CAMK1D: variants seen among roughly 807,000 people sequenced by gnomAD.
CAMK1D encodes the protein calcium/calmodulin-dependent protein kinase type 1D.
In CAMK1D, 9 loss-of-function variants were observed where a neutral mutation model predicts 47.7. The ratio of observed to expected loss-of-function variants is 0.19; its 90% CI spans 0.11 to 0.33. CAMK1D has a LOEUF of 0.33. Ranked by LOEUF, CAMK1D falls within the 10% of genes least tolerant of loss-of-function variation. The probability of loss-of-function intolerance (pLI) is 1.00; values close to 1 mark genes in which losing one functional copy is unlikely to be tolerated. For synonymous variants in CAMK1D, 184 were observed against 184.9 expected (o/e 0.99, Z 0.04); for missense variants, 291 against 488.7 (o/e 0.60, Z 3.81).
rs765599050 is a variant in CAMK1D at position 12,757,738 on chromosome 10, C to G, written c.300-3210C>G. 6.6e-5 allele frequency among the ~76,000 whole-genome samples: 10 copies of G among 152,140 alleles called. 1 individual carries two copies. The highest frequency in any genetic ancestry group is 5.2e-4 in the Admixed American group (8 of 15,286). On this transcript the variant is annotated intron_variant, in intron 3 of 10. Coordinates refer to ENST00000619168, the MANE Select transcript of CAMK1D (RefSeq NM_153498.4). ...TAGTGTGGGAAGATTATAGTGAGGGCTCCATTCCTGCCTTGGAGGCAGCTG... is the reference window on the plus strand; with the variant it reads ...TAGTGTGGGAAGATTATAGTGAGGGGTCCATTCCTGCCTTGGAGGCAGCTG...
intron 4 of CAMK1D, 108 bp downstream of exon 4, chr10:12,761,194 G>A: frequency 7.6e-7 from 1 of 1,320,934 alleles, no homozygotes; most frequent in Non-Finnish European, 1.0e-6. Context: ...ATGTAGAGTG[G>A]GTGCAGCAGA....
At chr10:12,373,062 A>G (rs1024043995) in intron 1 of CAMK1D, among the ~76,000 whole-genome samples, 1 of 152,186 alleles carries the variant, frequency 6.6e-6, no homozygotes, top group African/African-American at 2.4e-5. Flanking sequence ...GACGTTTGCA[A>G]AGCGCTTGCT....
Position 12,693,994 on chromosome 10 carries a change from TAATATATATAATATATATTA to T in CAMK1D, c.299+27203_299+27222del, listed in dbSNP as rs1239929739. ...ATATAATATATATTATATATACATA[TAATATATATAATATATATTA>T]AATATATATAATATATATAAAATAT... On this transcript the variant is annotated intron_variant, in intron 3 of 10. Transcript: ENST00000619168. Among the ~76,000 whole-genome samples the T allele has an allele frequency of 6.6e-5, 5 of 76,318 alleles. No individual in the cohort carries two copies. The South Asian group carries it at 1.2e-3, about 19-fold the overall frequency. 50.1% of individuals were successfully genotyped at this position (76,318 alleles called of 152,430 possible). A position where few individuals can be genotyped will look rare whatever the true frequency, so the allele number is the denominator to read the frequency against.
intron 1 of CAMK1D, among the ~76,000 whole-genome samples, chr10:12,497,989 A>G (rs1834592445): frequency 6.6e-6 from 1 of 152,246 alleles, no homozygotes; most frequent in Admixed American, 6.5e-5. Flanking sequence ...AGCAGGCAAG[A>G]GAACGTGTGC....
chr10:12,828,532 T>A (rs1833338677), intron 10 of CAMK1D, among the ~76,000 whole-genome samples: 1 of 151,856 alleles, frequency 6.6e-6, no homozygotes, highest in Admixed American at 6.6e-5. Context: ...TCCCAGCTAC[T>A]CGGGAGGCTG....
chr10:12,374,942 CAA>C (rs71384315), intron 1 of CAMK1D, among the ~76,000 whole-genome samples: 38,123 of 93,676 alleles, frequency 0.41, 5,257 homozygotes, highest in Middle Eastern at 0.47. Flanking sequence ...GACTCCGTCT[CAA>C]AAAAAAAAAA....
intron 1 of CAMK1D, among the ~76,000 whole-genome samples, chr10:12,387,415 ATT>A (rs1457978835): frequency 2.8e-3 from 105 of 37,320 alleles, no homozygotes; most frequent in African/African-American, 6.6e-3. Flanking sequence ...TATTATATAT[ATT>A]TTATATATTT....
chr10:12,353,807 A>G (rs1037391389), intron 1 of CAMK1D, among the ~76,000 whole-genome samples: 6 of 152,172 alleles, frequency 3.9e-5, no homozygotes, highest in African/African-American at 1.2e-4. Context: ...TTGGCACACT[A>G]TGAGAACAAA....
intron 1 of CAMK1D, among the ~76,000 whole-genome samples, chr10:12,469,768 A>C (rs1833694519): frequency 6.6e-6 from 1 of 152,210 alleles, no homozygotes; most frequent in African/African-American, 2.4e-5. Context: ...AGTGGAAATG[A>C]CCCTTTCAAA....
At chr10:12,817,422 G>A (rs756004276) in intron 8 of CAMK1D, among the ~76,000 whole-genome samples, 91 of 152,294 alleles carry the variant, frequency 6.0e-4, no homozygotes, top group Non-Finnish European at 2.1e-4. Context: ...CTAATTGAGA[G>A]TTGATGGCAT....
At chr10:12,742,555 C>T (rs1461164519) in intron 3 of CAMK1D, among the ~76,000 whole-genome samples, 2 of 152,168 alleles carry the variant, frequency 1.3e-5, no homozygotes, top group Non-Finnish European at 2.9e-5. Flanking sequence ...TTTTCATCAC[C>T]CTAATGGCAC....
chr10:12,596,833 T>G (rs1273779708), intron 2 of CAMK1D, among the ~76,000 whole-genome samples: 1 of 152,164 alleles, frequency 6.6e-6, no homozygotes, highest in Non-Finnish European at 1.5e-5. Flanking sequence ...CACATTTTTT[T>G]TTTAGACCTG....
chr10:12,821,495 C>T (rs551006390), intron 8 of CAMK1D, among the ~76,000 whole-genome samples: 86 of 152,276 alleles, frequency 5.6e-4, no homozygotes, highest in Non-Finnish European at 9.8e-4. Context: ...CCACCAGGCC[C>T]ATCTTGAGCA....
chr10:12,584,214 T>C (rs1230942821), intron 2 of CAMK1D, among the ~76,000 whole-genome samples: 2 of 152,168 alleles, frequency 1.3e-5, no homozygotes, highest in Non-Finnish European at 2.9e-5. Flanking sequence ...TTGATTTTAT[T>C]TGGAAAAGTA....
intron 1 of CAMK1D, among the ~76,000 whole-genome samples, chr10:12,504,106 TGG>T (rs1011963781): frequency 1.6e-4 from 23 of 139,538 alleles, no homozygotes; most frequent in South Asian, 6.7e-4. Flanking sequence ...ACCAATAAGA[TGG>T]GTGTGTGTGT....
Position 12,812,487 on chromosome 10 carries a change from G to T in CAMK1D, c.642-1708G>T, listed in dbSNP as rs924691799. Among the ~76,000 whole-genome samples, 6 of 152,246 alleles carry T rather than the reference G, an allele frequency of 3.9e-5. No individual in the cohort carries two copies. The South Asian group carries it at 1.2e-3, about 32-fold the overall frequency. On this transcript the variant is annotated intron_variant, in intron 6 of 10. Coordinates refer to ENST00000619168, the MANE Select transcript of CAMK1D (RefSeq NM_153498.4). ...AAAAATTAGCCCAGCATGCTGGCAG[G>T]CACCTGTAATCCCAGCTACTTGGGA...
chr10:12,621,750 C>G (rs1839004345), intron 2 of CAMK1D, among the ~76,000 whole-genome samples: 1 of 151,816 alleles, frequency 6.6e-6, no homozygotes, highest in Non-Finnish European at 1.5e-5. Context: ...TGGACTTTTG[C>G]AAATTGTTCT....
chr10:12,471,905 C>A (rs937123047), intron 1 of CAMK1D, among the ~76,000 whole-genome samples: 2 of 151,662 alleles, frequency 1.3e-5, no homozygotes, highest in African/African-American at 4.8e-5. Flanking sequence ...CTTGGTGGTG[C>A]GTACCTGTTG....
chr10:12,812,077 C>T (rs1157541864), intron 6 of CAMK1D, among the ~76,000 whole-genome samples: 1 of 152,260 alleles, frequency 6.6e-6, no homozygotes, highest in African/African-American at 2.4e-5. Context: ...TGTCATCAGG[C>T]ACGCCCCTGC....
Sources: gnomAD v4.1 joint callset for allele counts (sites outside exome capture counted in the v4.1 genomes callset) on GRCh38, gnomAD v4.1.1 for gene constraint, MANE v1.5 for transcripts, NCBI Gene and HGNC (gene_info 2026-07-23, HGNC 2026-07-21) for gene names.